The following KIFAP3 variants were observed in gnomAD, a reference collection of about 807,000 sequenced individuals.
The protein encoded by KIFAP3 is kinesin-associated protein 3.
Under a neutral mutation model 106.5 loss-of-function variants are expected in KIFAP3, and 68 were observed. The observed-to-expected ratio is 0.64, with a 90% CI of 0.53 to 0.78. The LOEUF (loss-of-function observed/expected upper bound fraction) is 0.78. Ranked by LOEUF, KIFAP3 falls within the 30% of genes least tolerant of loss-of-function variation. The probability of loss-of-function intolerance (pLI) is 0.00; values close to 1 mark genes in which losing one functional copy is unlikely to be tolerated. For missense variants in KIFAP3, 780 were observed against 941.8 expected, an observed-to-expected ratio of 0.83 and a Z score of 2.25; for synonymous variants, 320 against 311.5, an observed-to-expected ratio of 1.03 and a Z score of -0.29.
At chr1:169,954,568 T>C (rs1042933669) in intron 18 of KIFAP3, among the ~76,000 whole-genome samples, 1 of 152,192 alleles carries the variant, frequency 6.6e-6, no homozygotes, top group Non-Finnish European at 1.5e-5. Flanking sequence ...TGTAGCATGA[T>C]TAGGGAATCA....
intron 18 of KIFAP3, among the ~76,000 whole-genome samples, chr1:169,958,780 TA>T (rs1665167623): frequency 1.3e-5 from 2 of 152,216 alleles, no homozygotes; most frequent in East Asian, 3.9e-4. Context: ...CCTCTATGGG[TA>T]AAAGTACTAA....
At chr1:169,928,067 A>T (rs1384051337) in intron 19 of KIFAP3, among the ~76,000 whole-genome samples, 1 of 151,738 alleles carries the variant, frequency 6.6e-6, no homozygotes, top group African/African-American at 2.4e-5. Flanking sequence ...AACAATGATC[A>T]AATATGCTAC....
upstream of KIFAP3, among the ~76,000 whole-genome samples, chr1:170,079,435 GAC>G (rs952415106): frequency 6.6e-6 from 1 of 151,950 alleles, no homozygotes; most frequent in African/African-American, 2.4e-5. Context: ...TATGAACAAA[GAC>G]ACATATTAAC....
intron 19 of KIFAP3, among the ~76,000 whole-genome samples, chr1:169,943,256 G>GAAAACC (rs1664240487): frequency 6.6e-6 from 1 of 151,934 alleles, no homozygotes; most frequent in African/African-American, 2.4e-5. Flanking sequence ...AATTACATTT[G>GAAAACC]AAAACCTGTA....
At chr1:169,946,912 C>A (rs591202) in intron 19 of KIFAP3, among the ~76,000 whole-genome samples, 1 of 151,882 alleles carries the variant, frequency 6.6e-6, no homozygotes, top group Non-Finnish European at 1.5e-5. Context: ...GACTCTTATA[C>A]TATAAAAATT....
intron 9 of KIFAP3, among the ~76,000 whole-genome samples, chr1:170,018,283 T>C (rs1035944795): frequency 6.6e-6 from 1 of 152,158 alleles, no homozygotes; most frequent in African/African-American, 2.4e-5. Flanking sequence ...TCATATGGCC[T>C]GCAAAACCTA....
chr1:170,066,250 T>A lies in KIFAP3; in HGVS notation c.32+8186A>T, dbSNP rs1198460648. Among the ~76,000 whole-genome samples the A allele has an allele frequency of 3.3e-5, 5 of 151,838 alleles. No homozygotes were observed. The East Asian group carries it at 9.7e-4, about 29-fold the overall frequency. On this transcript the variant is annotated intron_variant, in intron 1 of 19. Coordinates refer to ENST00000361580, the MANE Select transcript of KIFAP3 (RefSeq NM_014970.4). ...ATACCTTATAAACTCACACAAAAATTTCATAATTTTTGCTTTCAAGTCATA... is the reference window on the plus strand; with the variant it reads ...ATACCTTATAAACTCACACAAAAATATCATAATTTTTGCTTTCAAGTCATA...
chr1:169,955,706 G>C (rs1664977890), intron 18 of KIFAP3, among the ~76,000 whole-genome samples: 1 of 152,032 alleles, frequency 6.6e-6, no homozygotes, highest in Admixed American at 6.6e-5. Flanking sequence ...TTATTTAATT[G>C]TCAAATTGTT....
At chr1:169,969,125 A>G (rs12239151) in intron 17 of KIFAP3, among the ~76,000 whole-genome samples, 144 of 152,102 alleles carry the variant, frequency 9.5e-4, no homozygotes, top group African/African-American at 3.4e-3. Flanking sequence ...GAAAGAGAAA[A>G]TTTTAGAAAT....
chr1:170,055,647 C>T (rs12138083), intron 1 of KIFAP3, among the ~76,000 whole-genome samples: 9,649 of 151,886 alleles, frequency 0.064, 389 homozygotes, highest in Non-Finnish European at 0.095. Flanking sequence ...TAAATGTATA[C>T]ATATAACTTT....
Position 170,074,592 on chromosome 1 carries a change from G to T in KIFAP3, c.-125C>A. ...ATGACAGTCCTGAGGCCTGCAAGGC[G>T]GGGCAGCAGCGGCGCTGTGGTTACC... On this transcript the variant is annotated 5_prime_UTR_variant, in exon 1 of 20. Coordinates refer to ENST00000361580, the MANE Select transcript of KIFAP3 (RefSeq NM_014970.4). 1.3e-6 allele frequency: 2 copies of T among 1,551,420 alleles called. No homozygotes were observed. Among genetic ancestry groups the T allele is most frequent in the Non-Finnish European group, 1.7e-6 (2 of 1,146,960 alleles).
chr1:169,938,860 T>G (rs1389214666), intron 19 of KIFAP3, among the ~76,000 whole-genome samples: 4 of 152,154 alleles, frequency 2.6e-5, no homozygotes, highest in Non-Finnish European at 5.9e-5. Context: ...CTATTCCAGT[T>G]AAGCACAAAG....
chr1:170,006,141 C>T (rs961681312), intron 10 of KIFAP3, among the ~76,000 whole-genome samples: 2 of 152,144 alleles, frequency 1.3e-5, no homozygotes. Context: ...ACGAAAGGTT[C>T]AGTGAAGATC....
chr1:169,975,323 A>G (rs1479078622), intron 16 of KIFAP3, among the ~76,000 whole-genome samples: 1 of 152,124 alleles, frequency 6.6e-6, no homozygotes, highest in Non-Finnish European at 1.5e-5. Flanking sequence ...ATAAGTCTAC[A>G]CTAGCTATCT....
intron 17 of KIFAP3, among the ~76,000 whole-genome samples, chr1:169,972,043 A>C (rs1024284802): frequency 6.6e-6 from 1 of 151,954 alleles, no homozygotes; most frequent in Non-Finnish European, 1.5e-5. Context: ...AAAACTATGA[A>C]TAACAGTAAG....
chr1:170,047,342 C>T (rs1261216296), intron 2 of KIFAP3, among the ~76,000 whole-genome samples: 1 of 151,682 alleles, frequency 6.6e-6, no homozygotes, highest in African/African-American at 2.4e-5. Flanking sequence ...GAGATCTGGC[C>T]GGGCACGGTG....
At chr1:169,983,076 G>C (rs1423803528) in intron 13 of KIFAP3, among the ~76,000 whole-genome samples, 194 bp downstream of exon 13, 1 of 151,798 alleles carries the variant, frequency 6.6e-6, no homozygotes, top group Non-Finnish European at 1.5e-5. Context: ...GGGATTAGGG[G>C]TAAGGGTCAC....
At chr1:169,946,078 A>G (rs1404646606) in intron 19 of KIFAP3, among the ~76,000 whole-genome samples, 1 of 152,334 alleles carries the variant, frequency 6.6e-6, no homozygotes, top group South Asian at 2.1e-4. Flanking sequence ...TTCATTTATG[A>G]GCATTTTTAA....
chr1:170,049,325 G>T (rs1435526787), intron 2 of KIFAP3, among the ~76,000 whole-genome samples: 2 of 152,176 alleles, frequency 1.3e-5, no homozygotes, highest in Non-Finnish European at 2.9e-5. Flanking sequence ...AGCCTTAGGG[G>T]CTTACAGATA....
Sources: allele counts gnomAD v4.1 joint callset (sites outside exome capture counted in the v4.1 genomes callset), GRCh38; gene constraint gnomAD v4.1.1; transcripts MANE v1.5; gene names NCBI Gene and HGNC (gene_info 2026-07-23, HGNC 2026-07-21).